Variants in ANKS1B observed in about 807,000 individuals in gnomAD.
The protein encoded by ANKS1B is ankyrin repeat and sterile alpha motif domain-containing protein 1B.
ANKS1B carries 36 observed loss-of-function variants against 148.3 expected under a neutral mutation model. The observed-to-expected ratio is 0.24, with a 90% confidence interval of 0.19 to 0.32. The LOEUF (loss-of-function observed/expected upper bound fraction) is 0.32, where lower values mean the gene tolerates loss of function less well. Ranked by LOEUF, ANKS1B falls within the 10% of genes least tolerant of loss-of-function variation. The pLI is 1.00. For missense variants in ANKS1B, 1,157 were observed against 1,542.6 expected, an observed-to-expected ratio of 0.75 and a Z score of 4.19; for synonymous variants, 542 against 560.8, an observed-to-expected ratio of 0.97 and a Z score of 0.47.
At position 98,970,332 on chromosome 12, in the gene ANKS1B, G is replaced by T. The variant is rs57545326; in HGVS notation, c.2778+82825C>A. Among the ~76,000 whole-genome samples, 1,244 of 152,072 alleles carry T rather than the reference G, an allele frequency of 8.2e-3. 14 individuals are homozygous for T. Among genetic ancestry groups the T allele is most frequent in the African/African-American group, 0.028 (1,167 of 41,488 alleles). On this transcript the variant is annotated intron_variant, in intron 17 of 26. Transcript: ENST00000683438. ...TGTTCTCTAGAATGCTGTTAAATTT[G>T]CTACCTGTCTCTTTCAAAATTTACC...
At chr12:99,974,985 TA>T (rs932763330) in intron 1 of ANKS1B, among the ~76,000 whole-genome samples, 1 of 151,642 alleles carries the variant, frequency 6.6e-6, no homozygotes, top group Admixed American at 6.6e-5. Flanking sequence ...TCTGTCCTTA[TA>T]AAAAAAAATC....
chr12:98,969,873 A>C (rs939541836), intron 17 of ANKS1B, among the ~76,000 whole-genome samples: 3 of 152,212 alleles, frequency 2.0e-5, no homozygotes, highest in African/African-American at 7.2e-5. Flanking sequence ...ATCTAACTAC[A>C]TAGCCAGCTT....
At position 99,632,767 on chromosome 12, in the gene ANKS1B, A is replaced by ATATATATATATATTTT. The variant is rs1441486862; in HGVS notation, c.1272+22299_1272+22300insAAAATATATATATATA. On this transcript the variant is annotated intron_variant, in intron 9 of 26. Transcript: ENST00000683438. ...TATATATATATATATATATATATAT[A>ATATATATATATATTTT]TTTTAATTATACTTTAAGTTCTAGG... Among the ~76,000 whole-genome samples the ATATATATATATATTTT allele has an allele frequency of 2.5e-4, 18 of 71,312 alleles. 1 individual carries two copies. Among genetic ancestry groups the ATATATATATATATTTT allele is most frequent in the Middle Eastern group, 9.4e-3 (1 of 106 alleles). 46.8% of individuals were successfully genotyped at this position (71,312 alleles called of 152,430 possible). A position where few individuals can be genotyped will look rare whatever the true frequency, so the allele number is the denominator to read the frequency against.
chr12:99,335,097 A>G (rs553787386), intron 12 of ANKS1B, among the ~76,000 whole-genome samples: 81 of 152,204 alleles, frequency 5.3e-4, no homozygotes, highest in African/African-American at 1.9e-3. Flanking sequence ...TTTAACAAAC[A>G]TATTTTCCAC....
chr12:99,486,429 C>T (rs925540938), intron 10 of ANKS1B, among the ~76,000 whole-genome samples: 3 of 151,556 alleles, frequency 2.0e-5, no homozygotes, highest in Non-Finnish European at 4.4e-5. Context: ...TCTCTTGATG[C>T]TTATCTCATT....
chr12:98,923,504 G>A (rs528583132), intron 17 of ANKS1B, among the ~76,000 whole-genome samples: 1 of 152,264 alleles, frequency 6.6e-6, no homozygotes, highest in African/African-American at 2.4e-5. Flanking sequence ...TGATGAACCC[G>A]AAGTTCCCTG....
chr12:99,721,650 G>C (rs960835790), intron 8 of ANKS1B, among the ~76,000 whole-genome samples: 2 of 151,954 alleles, frequency 1.3e-5, no homozygotes, highest in Admixed American at 1.3e-4. Context: ...CTCTCTTTTC[G>C]GACTCAGCCT....
chr12:99,528,004 G>A (rs2096944192), intron 9 of ANKS1B, among the ~76,000 whole-genome samples: 1 of 151,956 alleles, frequency 6.6e-6, no homozygotes, highest in Non-Finnish European at 1.5e-5. Context: ...AAAACAGCAT[G>A]GTACTGGTGC....
chr12:99,409,204 G>A (rs1777915615), intron 11 of ANKS1B, among the ~76,000 whole-genome samples: 1 of 152,126 alleles, frequency 6.6e-6, no homozygotes. Flanking sequence ...GCAACAACAT[G>A]GATGGAACTG....
intron 17 of ANKS1B, among the ~76,000 whole-genome samples, chr12:99,009,750 C>T (rs2099938169): frequency 6.6e-6 from 1 of 151,874 alleles, no homozygotes; most frequent in Non-Finnish European, 1.5e-5. Context: ...TCAAAATTTC[C>T]TCCCCCATGT....
At chr12:99,725,790 A>G (rs1331451995) in intron 8 of ANKS1B, among the ~76,000 whole-genome samples, 1 of 152,172 alleles carries the variant, frequency 6.6e-6, no homozygotes, top group African/African-American at 2.4e-5. Flanking sequence ...AACTGAAATC[A>G]TAACAGCCTC....
chr12:99,814,279 G>C (rs888506194), intron 2 of ANKS1B, among the ~76,000 whole-genome samples: 2 of 151,478 alleles, frequency 1.3e-5, no homozygotes, highest in Admixed American at 6.6e-5. Context: ...TTTTCTTCAG[G>C]AGATACTATA....
chr12:98,761,141 G>T (rs1473393148), intron 25 of ANKS1B, among the ~76,000 whole-genome samples: 2 of 152,222 alleles, frequency 1.3e-5, no homozygotes, highest in African/African-American at 2.4e-5. Flanking sequence ...TTCAAGTGCA[G>T]ATCTGACTTC....
chr12:99,735,186 A>C (rs1391929314), intron 8 of ANKS1B, among the ~76,000 whole-genome samples: 2 of 152,226 alleles, frequency 1.3e-5, no homozygotes, highest in Non-Finnish European at 2.9e-5. Context: ...TCAAATAATC[A>C]GTCTAATGAT....
intron 1 of ANKS1B, among the ~76,000 whole-genome samples, chr12:99,937,289 A>C (rs2094803197): frequency 6.6e-6 from 1 of 152,208 alleles, no homozygotes; most frequent in South Asian, 2.1e-4. Flanking sequence ...GTTGGAAAGT[A>C]ACCTCCATCT....
At chr12:99,750,632 T>C (rs2061019302) in intron 8 of ANKS1B, among the ~76,000 whole-genome samples, 1 of 152,072 alleles carries the variant, frequency 6.6e-6, no homozygotes, top group Non-Finnish European at 1.5e-5. Context: ...TGAGTACTAG[T>C]CAGTGGAAGA....
rs201318856 is a variant in ANKS1B at position 99,532,041 on chromosome 12, TTG to T, written c.1273-27402_1273-27401del. On this transcript the variant is annotated intron_variant, in intron 9 of 26. Transcript: ENST00000683438. ...ATTGCTTGTCTACTTTGTAACGGGATTGTTTTTTTTTTTCTTGCTGATTTGTT... is the reference window on the plus strand; with the variant it reads ...ATTGCTTGTCTACTTTGTAACGGGATTTTTTTTTTTTCTTGCTGATTTGTT... Among the ~76,000 whole-genome samples the T allele has an allele frequency of 8.3e-3, 1,151 of 138,090 alleles. 31 individuals are homozygous for T. Among genetic ancestry groups the T allele is most frequent in the South Asian group, 0.069 (312 of 4,540 alleles). 90.6% of individuals were successfully genotyped at this position (138,090 alleles called of 152,430 possible).
chr12:99,424,321 A>G (rs1003901192), intron 11 of ANKS1B, among the ~76,000 whole-genome samples: 14 of 152,314 alleles, frequency 9.2e-5, no homozygotes, highest in Middle Eastern at 3.4e-3. Flanking sequence ...TGTTCCAGGC[A>G]GAAGCGTATG....
At chr12:99,426,252 A>T (rs947430946) in intron 11 of ANKS1B, among the ~76,000 whole-genome samples, 3 of 152,132 alleles carry the variant, frequency 2.0e-5, no homozygotes, top group Non-Finnish European at 4.4e-5. Context: ...GACTAACTTA[A>T]TGACCCACTT....
Sources: allele counts gnomAD v4.1 joint callset (sites outside exome capture counted in the v4.1 genomes callset), GRCh38; gene constraint gnomAD v4.1.1; transcripts MANE v1.5; gene names NCBI Gene and HGNC (gene_info 2026-07-23, HGNC 2026-07-21).